The following NOTCH4 variants were observed in gnomAD, a reference collection of about 807,000 sequenced individuals.
The protein encoded by NOTCH4 is neurogenic locus notch homolog protein 4.
A neutral mutation model predicts 189.0 loss-of-function variants in NOTCH4; 138 were observed. That is an observed-to-expected ratio of 0.73 (90% CI 0.64 to 0.84). The LOEUF (loss-of-function observed/expected upper bound fraction) is 0.84. Among genes scored for constraint, NOTCH4 ranks in the 40% least tolerant of loss-of-function variants. NOTCH4 has a pLI of 0.00. For synonymous variants in NOTCH4, 942 were observed against 1,032.8 expected (o/e 0.91, Z 1.69); for missense variants, 2,286 against 2,605.4 (o/e 0.88, Z 2.67).
rs9281669 is a variant in NOTCH4 at position 32,199,703 on chromosome 6, C to CAAACAAAACAAAACAAAACAAAACA, written c.4316-559_4316-558insTGTTTTGTTTTGTTTTGTTTTGTTT. Among the ~76,000 whole-genome samples, 29 of 150,726 alleles carry CAAACAAAACAAAACAAAACAAAACA rather than the reference C, an allele frequency of 1.9e-4. 1 individual carries two copies. The East Asian group carries it at 3.9e-3, about 20-fold the overall frequency. ...TGGGCGACAAGGCAAGACTCTGTCTCAAACAAAACAAAACAAAAACAAAAA... is the reference window on the plus strand; with the variant it reads ...TGGGCGACAAGGCAAGACTCTGTCTCAAACAAAACAAAACAAAACAAAACAAAACAAAACAAAACAAAAACAAAAA... On this transcript the variant is annotated intron_variant, in intron 23 of 29. Transcript: ENST00000375023. This position sits in a 1 kb window ranked among gnomAD's most constrained non-coding sequence, Gnocchi z 4.9.
Position 32,199,099 on chromosome 6 carries a change from CA to C in NOTCH4, c.4361del (p.Val1454GlyfsTer4), listed in dbSNP as rs1450623929. 1 of 1,611,832 alleles carries C rather than the reference CA, an allele frequency of 6.2e-7. No individual in the cohort carries two copies. Among genetic ancestry groups the C allele is most frequent in the South Asian group, 1.1e-5 (1 of 91,016 alleles). On this transcript the variant is annotated frameshift_variant, in exon 24 of 30. Transcript: ENST00000375023. LOFTEE classifies it high-confidence loss of function. This position sits in a 1 kb window ranked among gnomAD's most constrained non-coding sequence, Gnocchi z 4.9. Reference sequence around the variant, plus strand: ...CTAGGGCCAGGAGAATCACCCCGGCCACTGGGGAGCACAGCACAGGCCAGGG... The same window carrying C: ...CTAGGGCCAGGAGAATCACCCCGGCCCTGGGGAGCACAGCACAGGCCAGGG... ...QLPWPVLCSP[V>X]AGVILLALGA...
At chr6:32,222,104 G>T (rs1026901043) in intron 3 of NOTCH4, among the ~76,000 whole-genome samples, 2 of 152,044 alleles carry the variant, frequency 1.3e-5, no homozygotes, top group Non-Finnish European at 2.9e-5. Flanking sequence ...TCCCACCACT[G>T]CAGTCTTCCC....
In NOTCH4 at chr6:32,201,088, C is replaced by T. The variant is rs1407885770; in HGVS notation, c.4139+29G>A. 1.3e-6 allele frequency: 2 copies of T among 1,587,734 alleles called. No individual in the cohort carries two copies. Among genetic ancestry groups the T allele is most frequent in the African/African-American group, 2.7e-5 (2 of 74,268 alleles). On this transcript the variant is annotated intron_variant, in intron 22 of 29. Coordinates refer to ENST00000375023, the MANE Select transcript of NOTCH4 (RefSeq NM_004557.4). The surrounding 1 kb of genome is among the most constrained non-coding windows in gnomAD (Gnocchi z 5.5). ...TCTGCCCTCTTAAAAAAACTGGTGT[C>T]TGGCCCTTCCCTCCACCTAGCTTCT... is the stretch of plus-strand genomic sequence containing the variant.
At chr6:32,196,274 A>G (rs960715821) in intron 29 of NOTCH4, 50 bp downstream of exon 29, 7 of 1,612,690 alleles carry the variant, frequency 4.3e-6, no homozygotes, top group African/African-American at 1.3e-5. Flanking sequence ...CGCACTTTCC[A>G]TCTCTCGTGC....
At chr6:32,205,304 C>T (rs1019895380) in intron 18 of NOTCH4, among the ~76,000 whole-genome samples, 4 of 150,622 alleles carry the variant, frequency 2.7e-5, no homozygotes, top group Non-Finnish European at 5.9e-5. Flanking sequence ...AATCCCAGCA[C>T]TTTGGTAGGC....
rs560934827 is a variant in NOTCH4, at chr6:32,201,931, G to A, written c.3755+145C>T. 2.8e-6 allele frequency: 2 copies of A among 709,298 alleles called. No individual in the cohort carries two copies. The highest frequency in any genetic ancestry group is 4.0e-6 in the Non-Finnish European group (2 of 494,640). 43.9% of individuals were successfully genotyped at this position (709,298 alleles called of 1,614,324 possible). Reference sequence around the variant, plus strand: ...CCCTAGGTTGGAGTCCAGAGTCTTCGACCCCTGTTTAGTGATGGTTATTAG... The same window carrying A: ...CCCTAGGTTGGAGTCCAGAGTCTTCAACCCCTGTTTAGTGATGGTTATTAG... On this transcript the variant is annotated intron_variant, in intron 21 of 29. Coordinates refer to ENST00000375023, the MANE Select transcript of NOTCH4 (RefSeq NM_004557.4). The surrounding 1 kb of genome is among the most constrained non-coding windows in gnomAD (Gnocchi z 5.5).
Position 32,223,502 on chromosome 6 carries a change from T to C in NOTCH4, c.73+354A>G, listed in dbSNP as rs1025480181. On this transcript the variant is annotated intron_variant, in intron 1 of 29. Transcript: ENST00000375023. ...AGGGCTTAGTAGGCCTGACCTTTCA[T>C]GTCCCCATCTCCTGCTTCCCTCTCA... 1.1e-4 allele frequency among the ~76,000 whole-genome samples: 17 copies of C among 152,136 alleles called. 1 individual carries two copies. The highest frequency in any genetic ancestry group is 6.5e-4 in the Admixed American group (10 of 15,290).
chr6:32,207,541 T>A (rs544347898), intron 18 of NOTCH4, among the ~76,000 whole-genome samples: 23 of 150,714 alleles, frequency 1.5e-4, no homozygotes, highest in Non-Finnish European at 3.0e-5. Context: ...GGAGAATCAG[T>A]TGAACTTGGG....
intron 1 of NOTCH4, 129 bp from the exon 2 acceptor site, chr6:32,223,215 T>A: frequency 1.4e-6 from 1 of 731,830 alleles, no homozygotes; most frequent in East Asian, 2.5e-5. Flanking sequence ...CTTCTTCACA[T>A]CTGTCCCCAC....
Position 32,203,798 on chromosome 6 carries a change from G to T in NOTCH4, c.3203C>A (p.Pro1068His), listed in dbSNP as rs765636311. ...GGGGCAGTGGCAGATGAAACCCAGGGGTGATCCTGCTGTGGCCTCACAGGT... is the reference window on the plus strand; with the variant it reads ...GGGGCAGTGGCAGATGAAACCCAGGTGTGATCCTGCTGTGGCCTCACAGGT... ...GGTCEATAGS[P>H]LGFICHCPKG... Residue 1068 changes from proline (P) to histidine (H), a missense_variant, in exon 20 of 30, where the codon CCC (proline) becomes CAC (histidine). Coordinates refer to ENST00000375023, the MANE Select transcript of NOTCH4 (RefSeq NM_004557.4). 2.6e-6 allele frequency: 4 copies of T among 1,558,598 alleles called. No individual in the cohort carries two copies. Among genetic ancestry groups the T allele is most frequent in the Non-Finnish European group, 3.5e-6 (4 of 1,150,916 alleles).
In NOTCH4 at chr6:32,218,380, C is replaced by G. The variant is rs908535301; in HGVS notation, c.1511-272G>C. ...TTTCTGGTGGCCATTCCTGTGTATA[C>G]AGAGGGCGGGGCTCACCAGGGCAGG... On this transcript the variant is annotated intron_variant, in intron 8 of 29. Coordinates refer to ENST00000375023, the MANE Select transcript of NOTCH4 (RefSeq NM_004557.4). 1.8e-4 allele frequency among the ~76,000 whole-genome samples: 28 copies of G among 152,146 alleles called. 1 individual carries two copies. The highest frequency in any genetic ancestry group is 6.5e-4 in the African/African-American group (27 of 41,428).
Position 32,221,379 on chromosome 6 carries a change from T to C in NOTCH4, c.452-54A>G. On this transcript the variant is annotated intron_variant, in intron 3 of 29. Transcript: ENST00000375023. This position sits in a 1 kb window ranked among gnomAD's most constrained non-coding sequence, Gnocchi z 4.3. ...CTAGCATTGTACGAATTCTAGCCCA[T>C]CTGAGGTTACCCAGTGCTCACTCTG... 1 of 1,380,930 alleles carries C rather than the reference T, an allele frequency of 7.2e-7. No individual in the cohort carries two copies. The allele number at this position is 1,380,930 out of a possible 1,614,324, so 85.5% of individuals were successfully genotyped here.
Position 32,202,419 on chromosome 6 carries a change from A to G in NOTCH4, c.3412T>C (p.Ser1138Pro). Reference protein sequence around the residue: ...PPAPKGCGPPSPCLYNGSCSE... With the variant: ...PPAPKGCGPPPPCLYNGSCSE... The stretch of plus-strand genomic sequence containing the variant: ...CAGCTGCCATTGTATAGGCATGGGG[A>G]GGGAGGGCCACAGCCTTTAGGAGCT... Residue 1138 changes from serine to proline, a missense_variant, in exon 21 of 30, where the codon TCC (serine) becomes CCC (proline). By Grantham distance (74) the Ser-to-Pro change is moderately conservative. Transcript: ENST00000375023. This position sits in a 1 kb window ranked among gnomAD's most constrained non-coding sequence, Gnocchi z 5.7. 6.2e-7 allele frequency: 1 copy of G among 1,612,136 alleles called. No homozygotes were observed. Among genetic ancestry groups the G allele is most frequent in the Non-Finnish European group, 8.5e-7 (1 of 1,179,672 alleles).
chr6:32,223,614 G>T (rs1484832712), intron 1 of NOTCH4, among the ~76,000 whole-genome samples: 1 of 151,916 alleles, frequency 6.6e-6, no homozygotes, highest in East Asian at 1.9e-4. Flanking sequence ...TGCTGACGAG[G>T]TTCTTCCTGG....
rs1327048654 is a variant in NOTCH4, at chr6:32,197,419, G to T, written c.4932C>A (p.Phe1644Leu). The change falls in exon 27 of 30, where the codon TTC becomes TTA. Residue 1644 changes from phenylalanine to leucine, a missense_variant. Transcript: ENST00000375023. ...GETPLHLAARFSRPTAARRLL... is the reference protein window; with the variant it reads ...GETPLHLAARLSRPTAARRLL... ...GGCGGCGGGCAGCGGTTGGCCGGGA[G>T]AATCGGGCAGCCAGGTGCAGGGGGG... 3.2e-6 allele frequency: 5 copies of T among 1,546,108 alleles called. No individual in the cohort carries two copies. Among genetic ancestry groups the T allele is most frequent in the Admixed American group, 2.0e-5 (1 of 48,954 alleles).
At chr6:32,196,500 TGGG>T (rs2127459851) in intron 28 of NOTCH4, 79 bp from the exon 29 acceptor site, 1 of 1,551,198 alleles carries the variant, frequency 6.4e-7, no homozygotes, top group East Asian at 2.2e-5. Flanking sequence ...GTTCTGGCCT[TGGG>T]GGAAGGGCTA....
Position 32,211,467 on chromosome 6 carries a change from A to C in NOTCH4, c.2681-531T>G, listed in dbSNP as rs564461391. ...AAAAAAATTAGCTGGGCATGGTGGC[A>C]CACGAATCCCAGCTACTTGGGAAGC... On this transcript the variant is annotated intron_variant, in intron 17 of 29. Transcript: ENST00000375023. 1.2e-4 allele frequency among the ~76,000 whole-genome samples: 17 copies of C among 146,584 alleles called. No homozygotes were observed. The East Asian group carries it at 3.5e-3, about 30-fold the overall frequency.
At position 32,204,249 on chromosome 6, in the gene NOTCH4, G is replaced by A; in HGVS notation, c.3006C>T (p.Arg1002=). Reference sequence around the variant, plus strand: ...GACACTCGTCCACGTCTCCCTCACAGCGTAGCCCCACAAAGCCTGGAGGGC... The same window carrying A: ...GACACTCGTCCACGTCTCCCTCACAACGTAGCCCCACAAAGCCTGGAGGGC... ...CACPPGFVGL[R]CEGDVDECLD... is the part of the protein sequence containing the mutation. Residue 1002 remains arginine, a synonymous_variant, in exon 19 of 30, where the codon CGC becomes CGT. Transcript: ENST00000375023. 6.2e-7 allele frequency: 1 copy of A among 1,613,086 alleles called. No individual in the cohort carries two copies. Among genetic ancestry groups the A allele is most frequent in the Admixed American group, 1.7e-5 (1 of 60,030 alleles).
In NOTCH4 at chr6:32,222,664, T is replaced by A; in HGVS notation, c.298A>T (p.Ser100Cys). 4 of 1,604,430 alleles carry A rather than the reference T, an allele frequency of 2.5e-6. No individual in the cohort carries two copies. The highest frequency in any genetic ancestry group is 3.4e-6 in the Non-Finnish European group (4 of 1,177,314). ...LPSSPSPLTP[S>C]FLCTCLPGFT... ...CCAGGGAGGCAAGTGCACAAGAAGC[T>A]GGGTGTCAATGGAGAGGGAGAGCTG... Residue 100 changes from serine to cysteine, a missense_variant, in exon 3 of 30, where the codon AGC becomes TGC. Ser to Cys is a moderately radical substitution (Grantham distance 112). Around this residue, in one of 2 missense-constraint regions of NOTCH4, gnomAD observed 1,903 missense variants for 2,261.9 expected, o/e 0.84. Transcript: ENST00000375023.
Sources: allele counts gnomAD v4.1 joint callset (sites outside exome capture counted in the v4.1 genomes callset), GRCh38; gene constraint gnomAD v4.1.1; regional missense constraint gnomAD v4.1.1; non-coding constraint Gnocchi (gnomAD v3.1); transcripts MANE v1.5; gene names NCBI Gene and HGNC (gene_info 2026-07-23, HGNC 2026-07-21).